Variants in ANXA9 observed in about 807,000 individuals in gnomAD.
ANXA9 encodes the protein annexin 31.
A neutral mutation model predicts 51.8 loss-of-function variants in ANXA9; 47 were observed. The ratio of observed to expected loss-of-function variants is 0.91; its 90% CI spans 0.72 to 1.16. The LOEUF is 1.16. Among genes scored for constraint, ANXA9 ranks in the 50% most tolerant of loss-of-function variants. The pLI is 0.00. For synonymous variants in ANXA9, 154 were observed against 168.7 expected (o/e 0.91, Z 0.68); for missense variants, 361 against 424.7 (o/e 0.85, Z 1.32).
intron 13 of ANXA9, 141 bp downstream of exon 13, chr1:150,994,840 T>A (rs1245104346): frequency 6.9e-7 from 1 of 1,454,408 alleles, no homozygotes; most frequent in Non-Finnish European, 9.1e-7. Context: ...ACGCCTGTAA[T>A]CCCAGCACTT....
At chr1:150,988,495 G>A (rs376409181) in intron 12 of ANXA9, 154 bp downstream of exon 12, 44 of 471,508 alleles carry the variant, frequency 9.3e-5, no homozygotes, top group African/African-American at 6.6e-4. Flanking sequence ...ACACAGGGGT[G>A]GAGGAATGAG....
chr1:150,981,195 A>C (rs748568693), upstream of ANXA9, among the ~76,000 whole-genome samples: 2 of 152,208 alleles, frequency 1.3e-5, no homozygotes, highest in Non-Finnish European at 2.9e-5. Context: ...AGTGAGGAGC[A>C]GTGATTACCG....
upstream of ANXA9, among the ~76,000 whole-genome samples, chr1:150,981,707 C>T (rs1326504363): frequency 1.3e-5 from 2 of 152,234 alleles, no homozygotes; most frequent in Non-Finnish European, 2.9e-5. Context: ...CTCTGTTCAT[C>T]AACTTCCACT....
chr1:150,993,395 G>A (rs1332911149), intron 12 of ANXA9, among the ~76,000 whole-genome samples: 3 of 151,130 alleles, frequency 2.0e-5, no homozygotes, highest in Admixed American at 6.6e-5. Context: ...TGCAACGTCC[G>A]CCTCCCAGGT....
chr1:150,985,806 C>T (rs1363300302), intron 7 of ANXA9, among the ~76,000 whole-genome samples: 1 of 152,084 alleles, frequency 6.6e-6, no homozygotes, highest in Non-Finnish European at 1.5e-5. Flanking sequence ...GGGCTCAAGC[C>T]ATCTCCTGCC....
chr1:150,980,390 C>T (rs972577542), upstream of ANXA9, among the ~76,000 whole-genome samples: 5 of 149,614 alleles, frequency 3.3e-5, no homozygotes, highest in East Asian at 4.0e-4. Flanking sequence ...AGAGAGACTC[C>T]GCCTCAAAAA....
chr1:150,988,515 G>A (rs981975348), intron 12 of ANXA9, among the ~76,000 whole-genome samples, 174 bp downstream of exon 12: 2 of 152,162 alleles, frequency 1.3e-5, no homozygotes, highest in South Asian at 2.1e-4. Flanking sequence ...GCTGTGGTGA[G>A]AACTAACTTA....
Position 150,983,062 on chromosome 1 carries a change from C to T in ANXA9, c.-16-28C>T, listed in dbSNP as rs779643362. On this transcript the variant is annotated intron_variant, in intron 2 of 13. Coordinates refer to ENST00000368947, the MANE Select transcript of ANXA9 (RefSeq NM_003568.3). ...GTCCCTGAAGGGCCAGGAAATTCAG[C>T]TCTGTGGGCTCCTGTTTCCTTCCCC... 1.3e-5 allele frequency: 21 copies of T among 1,585,972 alleles called. 1 individual carries two copies. The South Asian group carries it at 2.2e-4, about 17-fold the overall frequency.
intron 7 of ANXA9, among the ~76,000 whole-genome samples, chr1:150,985,430 C>T (rs1671529730): frequency 6.6e-6 from 1 of 152,074 alleles, no homozygotes; most frequent in Non-Finnish European, 1.5e-5. Flanking sequence ...CTTTCATGTC[C>T]CTGATGGCTG....
upstream of ANXA9, among the ~76,000 whole-genome samples, chr1:150,980,572 CTTTT>C (rs869295630): frequency 1.8e-4 from 16 of 89,058 alleles, no homozygotes; most frequent in African/African-American, 6.6e-4. Flanking sequence ...ACACAGATTA[CTTTT>C]TTTTTTTTTT....
chr1:150,984,632 G>T lies in ANXA9; in HGVS notation c.428G>T (p.Arg143Leu), dbSNP rs765434593. Reference sequence around the variant, plus strand: ...GTGGCCATTGAAATTCTTGCCACTCGAACCCCACCCCAGCTGCAGGAGTGC... The same window carrying T: ...GTGGCCATTGAAATTCTTGCCACTCTAACCCCACCCCAGCTGCAGGAGTGC... ...VDVAIEILAT[R>L]TPPQLQECLA... The change falls in exon 7 of 14, where the codon CGA (arginine) becomes CTA (leucine). Residue 143 changes from arginine to leucine, a missense_variant. By Grantham distance (102) the Arg-to-Leu change is moderately radical (BLOSUM62 -2). Transcript: ENST00000368947. The T allele has an allele frequency of 2.5e-6, 4 of 1,613,980 alleles. No individual in the cohort carries two copies. The highest frequency in any genetic ancestry group is 4.5e-5 in the East Asian group (2 of 44,874).
Position 150,984,047 on chromosome 1 carries a change from A to G in ANXA9, c.245A>G (p.Asn82Ser). The change falls in exon 5 of 14, where the codon AAC (asparagine) becomes AGC (serine). Residue 82 changes from asparagine to serine, a missense_variant. By Grantham distance (46) the Asn-to-Ser change is conservative. Transcript: ENST00000368947. ...SREQRQLISR[N>S]FQERTQQDLM... Reference sequence around the variant, plus strand: ...GAGCAAAGGCAGCTCATCTCACGAAACTTCCAGGAGCGCACCCAACAGGTG... The same window carrying G: ...GAGCAAAGGCAGCTCATCTCACGAAGCTTCCAGGAGCGCACCCAACAGGTG... 3 of 1,611,278 alleles carry G rather than the reference A, an allele frequency of 1.9e-6. No individual in the cohort carries two copies.
intron 12 of ANXA9, among the ~76,000 whole-genome samples, chr1:150,993,527 C>G (rs1035361025): frequency 6.6e-6 from 1 of 151,694 alleles, no homozygotes; most frequent in Non-Finnish European, 1.5e-5. Context: ...CCAGGCTGGT[C>G]TCGAACTCCT....
At chr1:150,988,393 G>A (rs1216517843) in intron 12 of ANXA9, 52 bp downstream of exon 12, 1 of 1,599,498 alleles carries the variant, frequency 6.3e-7, no homozygotes, top group Admixed American at 1.7e-5. Flanking sequence ...GGAGGAGAGA[G>A]GAAGTCTCAG....
chr1:150,987,817 A>G (rs1671604049), intron 9 of ANXA9, 55 bp from the exon 10 acceptor site: 3 of 1,466,108 alleles, frequency 2.0e-6, no homozygotes, highest in African/African-American at 2.8e-5. Flanking sequence ...ATGGCTCCCT[A>G]GGCCCCAACC....
At chr1:150,979,746 G>GT (rs1236945861), upstream of ANXA9, among the ~76,000 whole-genome samples, 13 of 152,142 alleles carry the variant, frequency 8.5e-5, no homozygotes. Flanking sequence ...TCTTAAGGAG[G>GT]TAAGTAATAA....
At chr1:150,979,388 AG>A (rs1264238968), upstream of ANXA9, among the ~76,000 whole-genome samples, 1 of 152,092 alleles carries the variant, frequency 6.6e-6, no homozygotes, top group Non-Finnish European at 1.5e-5. Flanking sequence ...GCCGAGGGCC[AG>A]GGGGACCCCG....
intron 12 of ANXA9, among the ~76,000 whole-genome samples, chr1:150,991,733 G>C (rs1671705248): frequency 6.6e-6 from 1 of 151,196 alleles, no homozygotes; most frequent in African/African-American, 2.4e-5. Flanking sequence ...GTAGAAACAG[G>C]GTTTCACCAC....
Position 150,984,659 on chromosome 1 carries a change from T to G in ANXA9, c.455T>G (p.Leu152Arg). Reference sequence around the variant, plus strand: ...ACCCCACCCCAGCTGCAGGAGTGCCTGGCAGTCTACAAACACAGTAAGAAT... The same window carrying G: ...ACCCCACCCCAGCTGCAGGAGTGCCGGGCAGTCTACAAACACAGTAAGAAT... ...TRTPPQLQEC[L>R]AVYKHNFQVE... Residue 152 changes from leucine (L) to arginine (R), a missense_variant, in exon 7 of 14, where the codon CTG becomes CGG. By Grantham distance (102) the Leu-to-Arg change is moderately radical (BLOSUM62 -2). Transcript: ENST00000368947. 1 of 1,613,962 alleles carries G rather than the reference T, an allele frequency of 6.2e-7. No individual in the cohort carries two copies. Among genetic ancestry groups the G allele is most frequent in the Non-Finnish European group, 8.5e-7 (1 of 1,179,940 alleles).
Sources: allele counts gnomAD v4.1 joint callset (sites outside exome capture counted in the v4.1 genomes callset), GRCh38; gene constraint gnomAD v4.1.1; transcripts MANE v1.5; gene names NCBI Gene and HGNC (gene_info 2026-07-23, HGNC 2026-07-21).